The following WDHD1 variants were observed in gnomAD, a reference collection of about 807,000 sequenced individuals.
The protein encoded by WDHD1 is WD repeat and HMG-box DNA binding protein 1.
In WDHD1, 111 loss-of-function variants were observed where a neutral mutation model predicts 135.4. That is an observed-to-expected ratio of 0.82 (90% CI 0.70 to 0.96). The LOEUF (loss-of-function observed/expected upper bound fraction) is 0.96. WDHD1 is among the 40% of genes least tolerant of loss of function. The pLI is 0.00. For synonymous variants in WDHD1, 434 were observed against 439.0 expected (o/e 0.99, Z 0.14); for missense variants, 1,351 against 1,336.3 (o/e 1.01, Z -0.17).
intron 16 of WDHD1, among the ~76,000 whole-genome samples, chr14:54,976,111 C>T (rs866301806): frequency 6.6e-6 from 1 of 152,070 alleles, no homozygotes. Context: ...CTCGAGAGCT[C>T]GAGCTCTGGA....
intron 7 of WDHD1, among the ~76,000 whole-genome samples, 154 bp downstream of exon 7, chr14:55,007,126 G>C (rs954229436): frequency 6.6e-6 from 1 of 151,550 alleles, no homozygotes; most frequent in African/African-American, 2.4e-5. Context: ...TACTCGGGAG[G>C]CTGAGGCAGG....
At chr14:55,016,439 A>T (rs1460182137) in intron 2 of WDHD1, among the ~76,000 whole-genome samples, 1 of 152,240 alleles carries the variant, frequency 6.6e-6, no homozygotes, top group Non-Finnish European at 1.5e-5. Flanking sequence ...TACTATAGTG[A>T]TAACACCAAC....
chr14:55,007,431 A>C, intron 6 of WDHD1, 56 bp from the exon 7 acceptor site: 2 of 1,239,618 alleles, frequency 1.6e-6, no homozygotes, highest in Non-Finnish European at 2.3e-6. Context: ...CCCAAAATAT[A>C]TGCAGAACTG....
At chr14:54,968,561 T>C (rs2041381602) in intron 16 of WDHD1, among the ~76,000 whole-genome samples, 2 of 151,612 alleles carry the variant, frequency 1.3e-5, no homozygotes, top group Non-Finnish European at 2.9e-5. Context: ...AAAGGATCAA[T>C]AAAACAAAAA....
At chr14:55,009,620 C>T (rs1478090493) in intron 4 of WDHD1, among the ~76,000 whole-genome samples, 5 of 151,870 alleles carry the variant, frequency 3.3e-5, no homozygotes, top group South Asian at 4.2e-4. Flanking sequence ...TTAATAGAGA[C>T]GAGGTTTCAC....
intron 16 of WDHD1, 50 bp downstream of exon 16, chr14:54,981,490 C>CT (rs759910496): frequency 7.0e-6 from 11 of 1,563,438 alleles, no homozygotes; most frequent in Non-Finnish European, 8.7e-6. Context: ...AAAAGAATTT[C>CT]AACATACTTT....
chr14:54,984,571 T>A (rs1276804037), intron 15 of WDHD1, 152 bp downstream of exon 15: 1 of 651,332 alleles, frequency 1.5e-6, no homozygotes, highest in African/African-American at 1.9e-5. Context: ...AGCTCCCAGT[T>A]CTGCCAACAT....
intron 24 of WDHD1, among the ~76,000 whole-genome samples, chr14:54,952,488 A>G (rs955392200): frequency 1.3e-5 from 2 of 152,246 alleles, no homozygotes; most frequent in Non-Finnish European, 2.9e-5. Flanking sequence ...CAATGAAATA[A>G]AAGAGGACAC....
chr14:55,014,577 G>A (rs531048981), intron 2 of WDHD1, among the ~76,000 whole-genome samples: 7 of 152,018 alleles, frequency 4.6e-5, no homozygotes, highest in Non-Finnish European at 7.4e-5. Flanking sequence ...ATCCAAACGT[G>A]TTTCAAATAA....
chr14:55,022,025 T>C (rs1216964536), intron 2 of WDHD1, among the ~76,000 whole-genome samples: 2 of 152,210 alleles, frequency 1.3e-5, no homozygotes, highest in African/African-American at 2.4e-5. Flanking sequence ...CTGTATGAAC[T>C]CCTCATCTAG....
intron 7 of WDHD1, 36 bp from the exon 8 acceptor site, chr14:55,002,221 A>G (rs745600208): frequency 1.4e-6 from 2 of 1,418,002 alleles, no homozygotes; most frequent in Admixed American, 4.5e-5. Flanking sequence ...ACAAAAGTTT[A>G]CATTAAATTG....
intron 7 of WDHD1, chr14:55,005,295 G>T: frequency 1.8e-6 from 1 of 548,282 alleles, no homozygotes; most frequent in Admixed American, 1.9e-5. Context: ...GTGAGAGGCT[G>T]GTGATCAGCA....
intron 7 of WDHD1, chr14:55,005,214 T>C: frequency 3.7e-6 from 2 of 540,168 alleles, no homozygotes; most frequent in Non-Finnish European, 3.6e-6. Flanking sequence ...GGGATGGTAG[T>C]GTCCACATAG....
chr14:55,006,843 C>G (rs2042078033), intron 7 of WDHD1, among the ~76,000 whole-genome samples: 1 of 152,052 alleles, frequency 6.6e-6, no homozygotes, highest in South Asian at 2.1e-4. Flanking sequence ...GCTTGGTACT[C>G]TAAAATTTAT....
intron 16 of WDHD1, among the ~76,000 whole-genome samples, chr14:54,972,450 C>T (rs112991712): frequency 1.8e-4 from 26 of 146,226 alleles, no homozygotes; most frequent in South Asian, 4.4e-4. Flanking sequence ...TGGTGGTGAA[C>T]GCCTGTAATC....
chr14:54,957,879 C>T (rs771861571), intron 21 of WDHD1, among the ~76,000 whole-genome samples: 35 of 152,192 alleles, frequency 2.3e-4, no homozygotes, highest in Admixed American at 8.5e-4. Flanking sequence ...CTTTTATCTT[C>T]TGTTACTGCG....
intron 7 of WDHD1, chr14:55,005,043 T>G: frequency 1.8e-6 from 1 of 545,400 alleles, no homozygotes. Flanking sequence ...GGTCACAGCC[T>G]TTTCAGCAGC....
chr14:55,027,033 T>C lies in WDHD1; in HGVS notation c.-22A>G, dbSNP rs547514091. 11 of 499,724 alleles carry C rather than the reference T, an allele frequency of 2.2e-5. No individual in the cohort carries two copies. The highest frequency in any genetic ancestry group is 3.2e-5 in the Admixed American group (1 of 31,278). 31.0% of individuals were successfully genotyped at this position (499,724 alleles called of 1,614,324 possible). A position where few individuals can be genotyped will look rare whatever the true frequency, so the allele number is the denominator to read the frequency against. ...CAGCCGGAGTGGGGACTCACCCGGG[T>C]GACCGAGCCTCCGCCACTGAGGATC... On this transcript the variant is annotated 5_prime_UTR_variant, in exon 1 of 26. Transcript: ENST00000360586.
chr14:54,984,749 A>T lies in WDHD1; in HGVS notation c.1880T>A (p.Leu627His). 1 of 1,613,462 alleles carries T rather than the reference A, an allele frequency of 6.2e-7. No individual in the cohort carries two copies. Among genetic ancestry groups the T allele is most frequent in the Admixed American group, 1.7e-5 (1 of 59,810 alleles). ...TTCAGCTGAAAACCCAATCCATGCA[A>T]GGTAGGATTTCCTTGTAAGAGGAAG... Reference protein sequence around the residue: ...DPLPLTRKSYLAWIGFSAEGT... With the variant: ...DPLPLTRKSYHAWIGFSAEGT... Residue 627 changes from leucine to histidine, a missense_variant, in exon 15 of 26, where the codon CTT becomes CAT. By Grantham distance (99) the Leu-to-His change is moderately conservative (BLOSUM62 -3). Around this residue, in one of 2 missense-constraint regions of WDHD1, gnomAD observed 1,330 missense variants for 1,296.1 expected, o/e 1.03. Transcript: ENST00000360586.
Sources: gnomAD v4.1 joint callset for allele counts (sites outside exome capture counted in the v4.1 genomes callset) on GRCh38, gnomAD v4.1.1 for gene constraint, gnomAD v4.1.1 regional missense constraint, MANE v1.5 for transcripts, NCBI Gene and HGNC (gene_info 2026-07-23, HGNC 2026-07-21) for gene names.